The following SGCZ variants were observed in gnomAD, a reference collection of about 807,000 sequenced individuals.
SGCZ encodes sarcoglycan zeta.
Under a neutral mutation model 41.3 loss-of-function variants are expected in SGCZ, and 40 were observed. That is an observed-to-expected ratio of 0.97 (90% confidence interval 0.75 to 1.26). SGCZ has a LOEUF of 1.26. Among genes scored for constraint, SGCZ ranks in the 50% most tolerant of loss-of-function variants. The pLI, the probability that SGCZ is intolerant of heterozygous loss-of-function variation, is 0.00. For synonymous variants in SGCZ, 206 were observed against 137.5 expected, an observed-to-expected ratio of 1.50 and a Z score of -3.49; for missense variants, 552 against 369.8, an observed-to-expected ratio of 1.49 and a Z score of -4.04.
chr8:14,697,033 G>A (rs1220156190), intron 1 of SGCZ, among the ~76,000 whole-genome samples: 1 of 152,130 alleles, frequency 6.6e-6, no homozygotes, highest in East Asian at 1.9e-4. Flanking sequence ...GAAACAGAGA[G>A]CTACAGGATT....
In SGCZ at chr8:14,751,946, CAAACA is replaced by C. The variant is rs1318735946; in HGVS notation, c.40-197025_40-197021del. Among the ~76,000 whole-genome samples the C allele has an allele frequency of 4.8e-3, 587 of 121,162 alleles. 5 individuals carry two copies. Among genetic ancestry groups the C allele is most frequent in the African/African-American group, 0.018 (563 of 31,834 alleles). 79.5% of individuals were successfully genotyped at this position (121,162 alleles called of 152,430 possible). ...GACTCCGACTCAAGAAAAACAAAAA[CAAACA>C]AAAAAAAAAAACACCTTAGAGGATT... On this transcript the variant is annotated intron_variant, in intron 1 of 7. Coordinates refer to ENST00000382080, the MANE Select transcript of SGCZ (RefSeq NM_139167.4).
intron 3 of SGCZ, among the ~76,000 whole-genome samples, chr8:14,256,655 T>A (rs1222315278): frequency 6.6e-6 from 1 of 152,174 alleles, no homozygotes; most frequent in Non-Finnish European, 1.5e-5. Flanking sequence ...TAGTTTACCA[T>A]AACCAATATT....
chr8:15,190,810 C>G (rs75822985), intron 1 of SGCZ, among the ~76,000 whole-genome samples: 6,458 of 151,994 alleles, frequency 0.042, 280 homozygotes, highest in East Asian at 0.18. Context: ...AACTATAACA[C>G]GATAAATAGT....
chr8:14,240,937 C>G (rs186835030), intron 3 of SGCZ, among the ~76,000 whole-genome samples: 2 of 152,108 alleles, frequency 1.3e-5, no homozygotes, highest in African/African-American at 2.4e-5. Flanking sequence ...AAGGGAGATA[C>G]AATCCTAAGC....
chr8:14,727,597 G>A (rs35083121), intron 1 of SGCZ, among the ~76,000 whole-genome samples: 44,806 of 150,454 alleles, frequency 0.3, 7,099 homozygotes, highest in East Asian at 0.42. Context: ...CACAAGCTCC[G>A]CCTCCCGGAT....
intron 4 of SGCZ, among the ~76,000 whole-genome samples, chr8:14,195,109 C>T (rs149913852): frequency 6.6e-6 from 1 of 151,992 alleles, no homozygotes; most frequent in Non-Finnish European, 1.5e-5. Context: ...TTAACCATAA[C>T]GAGGATTTTA....
At chr8:14,431,442 A>T (rs1799939389) in intron 2 of SGCZ, among the ~76,000 whole-genome samples, 1 of 148,866 alleles carries the variant, frequency 6.7e-6, no homozygotes, top group South Asian at 2.2e-4. Flanking sequence ...AGTGGGGAGA[A>T]GACACCCTAT....
At chr8:14,847,617 AC>A (rs1803176783) in intron 1 of SGCZ, among the ~76,000 whole-genome samples, 1 of 149,528 alleles carries the variant, frequency 6.7e-6, no homozygotes, top group Non-Finnish European at 1.5e-5. Flanking sequence ...AAAGGAAATA[AC>A]TTTATAAAGA....
At chr8:15,190,642 CTTCA>C (rs1024649590) in intron 1 of SGCZ, among the ~76,000 whole-genome samples, 1 of 149,854 alleles carries the variant, frequency 6.7e-6, no homozygotes, top group African/African-American at 2.5e-5. Context: ...GTTTCAGAGC[CTTCA>C]AAGTTTTTAC....
intron 1 of SGCZ, among the ~76,000 whole-genome samples, chr8:15,078,709 G>A (rs1805635796): frequency 1.3e-5 from 2 of 149,908 alleles, no homozygotes; most frequent in Non-Finnish European, 2.9e-5. Flanking sequence ...GTGCATGTGT[G>A]TGTATATATA....
intron 1 of SGCZ, among the ~76,000 whole-genome samples, chr8:15,077,846 T>TA (rs1433086888): frequency 2.6e-5 from 4 of 152,216 alleles, no homozygotes; most frequent in African/African-American, 4.8e-5. Flanking sequence ...TATTTCTCTT[T>TA]AAAAACCTTT....
intron 4 of SGCZ, among the ~76,000 whole-genome samples, chr8:14,177,958 CT>C (rs147303437): frequency 2.2e-4 from 21 of 95,054 alleles, no homozygotes; most frequent in African/African-American, 6.3e-4. Context: ...CTTTTTTTTT[CT>C]TTTTTTTTTT....
intron 1 of SGCZ, among the ~76,000 whole-genome samples, chr8:14,556,473 G>T (rs912151886): frequency 1.1e-4 from 17 of 151,880 alleles, no homozygotes; most frequent in African/African-American, 4.1e-4. Context: ...TGGGAAACAG[G>T]TGATATTTGG....
intron 1 of SGCZ, among the ~76,000 whole-genome samples, chr8:14,628,359 T>C (rs1242548297): frequency 6.6e-6 from 1 of 151,970 alleles, no homozygotes. Context: ...CTCCCTCTAA[T>C]CGGATTAGAG....
intron 5 of SGCZ, among the ~76,000 whole-genome samples, chr8:14,130,741 T>C (rs73217958): frequency 3.9e-5 from 6 of 152,112 alleles, no homozygotes; most frequent in Non-Finnish European, 7.4e-5. Flanking sequence ...GATGCTTGCA[T>C]AGGTAAATGC....
intron 5 of SGCZ, chr8:14,162,433 T>C (rs2116979386): frequency 6.6e-6 from 1 of 152,280 alleles, no homozygotes; most frequent in South Asian, 2.1e-4. Context: ...CTGAAGGCAT[T>C]TCTACCCTAA....
intron 1 of SGCZ, among the ~76,000 whole-genome samples, chr8:15,166,751 T>C (rs1016425295): frequency 1.3e-5 from 2 of 152,236 alleles, no homozygotes; most frequent in African/African-American, 4.8e-5. Context: ...CACATTTTGC[T>C]ATTCACAGAC....
chr8:14,731,346 G>A (rs1260405136), intron 1 of SGCZ, among the ~76,000 whole-genome samples: 2 of 151,464 alleles, frequency 1.3e-5, no homozygotes, highest in Non-Finnish European at 2.9e-5. Context: ...GAGAACATGT[G>A]GACACAGGGA....
chr8:15,133,846 AC>A (rs1808008028), intron 1 of SGCZ, among the ~76,000 whole-genome samples: 1 of 152,222 alleles, frequency 6.6e-6, no homozygotes, highest in South Asian at 2.1e-4. Flanking sequence ...TGTGAAAAAA[AC>A]AAGTGTTAAA....
Sources: allele counts gnomAD v4.1 joint callset (sites outside exome capture counted in the v4.1 genomes callset), GRCh38; gene constraint gnomAD v4.1.1; transcripts MANE v1.5; gene names NCBI Gene and HGNC (gene_info 2026-07-23, HGNC 2026-07-21).